PHIP: variants seen among roughly 807,000 people sequenced by gnomAD.
The protein encoded by PHIP is PHIP subunit of CUL4-Ring ligase complex.
A neutral mutation model predicts 236.8 loss-of-function variants in PHIP; 54 were observed. The observed-to-expected ratio is 0.23, with a 90% CI of 0.18 to 0.29. PHIP has a LOEUF of 0.29. Ranked by LOEUF, PHIP falls within the 10% of genes least tolerant of loss-of-function variation. The pLI is 1.00. For missense variants in PHIP, 1,370 were observed against 2,190.8 expected, an observed-to-expected ratio of 0.63 and a Z score of 7.48; for synonymous variants, 756 against 718.9, an observed-to-expected ratio of 1.05 and a Z score of -0.83.
chr6:78,946,777 T>C lies in PHIP; in HGVS notation c.4304A>G (p.Asn1435Ser). Residue 1435 changes from asparagine to serine, a missense_variant, in exon 37 of 40, where the codon AAT (asparagine) becomes AGT (serine). Coordinates refer to ENST00000275034, the MANE Select transcript of PHIP (RefSeq NM_017934.7). ...YKSALRFHKR[N>S]TITKRRKKRN... ...TTTCTTCCTCCTTTTGGTTATGGTA[T>C]TTCTTTTATGAAAACGAAGAGCAGA... 1.3e-6 allele frequency: 2 copies of C among 1,593,478 alleles called. No homozygotes were observed. The highest frequency in any genetic ancestry group is 1.7e-6 in the Non-Finnish European group (2 of 1,171,954).
rs1773772829 is a variant in PHIP at position 78,945,657 on chromosome 6, C to G, written c.4631-160G>C. The G allele has an allele frequency of 1.1e-5, 7 of 634,898 alleles. No individual in the cohort carries two copies. The Admixed American group carries it at 1.7e-4, about 15-fold the overall frequency. 39.3% of individuals were successfully genotyped at this position (634,898 alleles called of 1,614,324 possible). A position where few individuals can be genotyped will look rare whatever the true frequency, so the allele number is the denominator to read the frequency against. On this transcript the variant is annotated intron_variant, in intron 38 of 39. Transcript: ENST00000275034. Reference sequence around the variant, plus strand: ...CTTTCTAATAGGAAAAAGGCGTATCCAACTAGAAACTCTTAATAGTTTCAG... The same window carrying G: ...CTTTCTAATAGGAAAAAGGCGTATCGAACTAGAAACTCTTAATAGTTTCAG...
At position 79,043,038 on chromosome 6, in the gene PHIP, G is replaced by C. The variant is rs764496490; in HGVS notation, c.440-35C>G. 5 of 1,544,998 alleles carry C rather than the reference G, an allele frequency of 3.2e-6. No homozygotes were observed. The African/African-American group carries it at 4.2e-5, about 13-fold the overall frequency. On this transcript the variant is annotated intron_variant, in intron 6 of 39. Transcript: ENST00000275034. The stretch of plus-strand genomic sequence containing the variant: ...AAAAGAAGGAAAATAAATGTAATCT[G>C]GAAATTAATTTTCTTACATGATCAC...
intron 17 of PHIP, among the ~76,000 whole-genome samples, chr6:79,001,468 C>A (rs1230083624): frequency 6.6e-6 from 1 of 152,078 alleles, no homozygotes; most frequent in Non-Finnish European, 1.5e-5. Flanking sequence ...ACAATTTGAA[C>A]TATGTATTTG....
At chr6:79,023,155 T>G (rs1433924533) in intron 9 of PHIP, among the ~76,000 whole-genome samples, 1 of 152,190 alleles carries the variant, frequency 6.6e-6, no homozygotes, top group Admixed American at 6.5e-5. Flanking sequence ...CACAGCTCAC[T>G]TCAGCCTTTA....
At chr6:79,075,203 T>C (rs1774088463) in intron 4 of PHIP, among the ~76,000 whole-genome samples, 1 of 152,166 alleles carries the variant, frequency 6.6e-6, no homozygotes, top group Non-Finnish European at 1.5e-5. Flanking sequence ...CAAATGTTTT[T>C]AGACCTAACT....
intron 35 of PHIP, among the ~76,000 whole-genome samples, chr6:78,949,944 C>A (rs915490819): frequency 2.6e-5 from 4 of 152,180 alleles, no homozygotes; most frequent in African/African-American, 9.7e-5. Context: ...CTACCTTGGC[C>A]TCCCAAAGTG....
At chr6:78,952,141 C>T (rs1024892435) in intron 35 of PHIP, among the ~76,000 whole-genome samples, 5 of 152,000 alleles carry the variant, frequency 3.3e-5, no homozygotes, top group East Asian at 3.9e-4. Context: ...TCTTGGCCAT[C>T]GGGCATGGTG....
chr6:79,026,908 C>A (rs1056099908), intron 7 of PHIP, among the ~76,000 whole-genome samples: 2 of 151,748 alleles, frequency 1.3e-5, no homozygotes, highest in African/African-American at 2.4e-5. Context: ...CCCCATATAT[C>A]TACTTCCCAG....
intron 29 of PHIP, 85 bp from the exon 30 acceptor site, chr6:78,963,337 A>G: frequency 2.9e-6 from 3 of 1,031,858 alleles, no homozygotes; most frequent in Non-Finnish European, 4.2e-6. Flanking sequence ...TAACAGTCAC[A>G]AAATTAAAGT....
At chr6:78,971,675 C>G (rs185875128) in intron 24 of PHIP, among the ~76,000 whole-genome samples, 5 of 152,042 alleles carry the variant, frequency 3.3e-5, no homozygotes, top group African/African-American at 1.2e-4. Context: ...GTGCGCGCAC[C>G]GTGTGCGAGC....
chr6:79,023,546 T>C (rs1371848623), intron 9 of PHIP, among the ~76,000 whole-genome samples: 2 of 152,090 alleles, frequency 1.3e-5, no homozygotes, highest in Non-Finnish European at 2.9e-5. Context: ...CTAAGTTGTA[T>C]ATAACAACTC....
chr6:79,074,559 T>C (rs891826358), intron 4 of PHIP, among the ~76,000 whole-genome samples: 1 of 152,126 alleles, frequency 6.6e-6, no homozygotes, highest in Non-Finnish European at 1.5e-5. Context: ...ATGTAAAATC[T>C]AATTAAACGT....
intron 6 of PHIP, among the ~76,000 whole-genome samples, chr6:79,054,078 C>T (rs940065649): frequency 2.7e-5 from 4 of 146,976 alleles, no homozygotes; most frequent in Non-Finnish European, 4.5e-5. Context: ...ATATTTTGTA[C>T]ATCTGATACT....
intron 35 of PHIP, among the ~76,000 whole-genome samples, chr6:78,952,433 A>C (rs1766100867): frequency 1.3e-5 from 2 of 150,972 alleles, no homozygotes; most frequent in Admixed American, 6.6e-5. Flanking sequence ...AAAAAGAAAA[A>C]AAAAAAAGAA....
At chr6:78,977,694 A>G (rs1160585714) in intron 24 of PHIP, among the ~76,000 whole-genome samples, 2 of 152,184 alleles carry the variant, frequency 1.3e-5, no homozygotes, top group African/African-American at 2.4e-5. Context: ...TGTATTAAAT[A>G]TAATTTCACA....
chr6:78,940,750 A>G lies in PHIP; in HGVS notation c.5409T>C (p.Ser1803=). 4 of 1,613,558 alleles carry G rather than the reference A, an allele frequency of 2.5e-6. No individual in the cohort carries two copies. The highest frequency in any genetic ancestry group is 3.4e-6 in the Non-Finnish European group (4 of 1,179,664). The change falls in exon 40 of 40, where the codon AGT becomes AGC. Residue 1803 remains serine (S), a synonymous_variant. Transcript: ENST00000275034. ...CAGTCAACTTTCGGACTCGTCCTCT[A>G]CTAGAAGTTCCAAAAGTTAAAGAGG... is the stretch of plus-strand genomic sequence containing the variant. ...EDTSLTFGTS[S]RGRVRKLTEK...
At chr6:79,047,720 C>T (rs866836686) in intron 6 of PHIP, among the ~76,000 whole-genome samples, 1 of 152,046 alleles carries the variant, frequency 6.6e-6, no homozygotes, top group Non-Finnish European at 1.5e-5. Context: ...AAATTTTACA[C>T]AGTCAATTAT....
chr6:79,050,116 T>C (rs1484504876), intron 6 of PHIP, among the ~76,000 whole-genome samples: 3 of 151,378 alleles, frequency 2.0e-5, no homozygotes, highest in African/African-American at 4.9e-5. Flanking sequence ...ACTTCAAGAA[T>C]CTGACGATTA....
Position 78,939,777 on chromosome 6 carries a change from A to G in PHIP, c.*916T>C, listed in dbSNP as rs950193579. On this transcript the variant is annotated 3_prime_UTR_variant, in exon 40 of 40. Coordinates refer to ENST00000275034, the MANE Select transcript of PHIP (RefSeq NM_017934.7). ...TTCCTTGAATCCTTTAACCACTTAA[A>G]CATTTCCTCTAGAACATCTCTGTCA... 6.6e-6 allele frequency: 1 copy of G among 152,348 alleles called. No homozygotes were observed. The highest frequency in any genetic ancestry group is 1.5e-5 in the Non-Finnish European group (1 of 67,856). The allele number at this position is 152,348 out of a possible 1,614,324, so 9.4% of individuals were successfully genotyped here. A position where few individuals can be genotyped will look rare whatever the true frequency, so the allele number is the denominator to read the frequency against.
Sources: allele counts gnomAD v4.1 joint callset (sites outside exome capture counted in the v4.1 genomes callset), GRCh38; gene constraint gnomAD v4.1.1; transcripts MANE v1.5; gene names NCBI Gene and HGNC (gene_info 2026-07-23, HGNC 2026-07-21).